IQGAP2: variants seen among roughly 807,000 people sequenced by gnomAD.
The protein encoded by IQGAP2 is IQ motif containing GTPase activating protein 2.
In IQGAP2, 173 loss-of-function variants were observed where a neutral mutation model predicts 201.3. That is an observed-to-expected ratio of 0.86 (90% CI 0.76 to 0.98). IQGAP2 has a LOEUF of 0.98. Ranked by LOEUF, IQGAP2 falls within the 50% of genes least tolerant of loss-of-function variation. The probability of loss-of-function intolerance (pLI) is 0.00; values close to 1 mark genes in which losing one functional copy is unlikely to be tolerated. For missense variants in IQGAP2, 1,687 were observed against 1,864.8 expected (o/e 0.90, Z 1.76); for synonymous variants, 675 against 673.9 (o/e 1.00, Z -0.03).
chr5:76,446,099 CTT>C (rs1199848094), intron 1 of IQGAP2, among the ~76,000 whole-genome samples: 8 of 152,252 alleles, frequency 5.3e-5, no homozygotes, highest in Admixed American at 1.3e-4. Context: ...TTCGTGGACT[CTT>C]GAGTTGCTTC....
chr5:76,566,738 C>T (rs889059981), intron 3 of IQGAP2, among the ~76,000 whole-genome samples: 2 of 152,032 alleles, frequency 1.3e-5, no homozygotes, highest in Admixed American at 1.3e-4. Flanking sequence ...AAGTGAACTG[C>T]TTCAAGAGGG....
chr5:76,658,809 T>A, intron 21 of IQGAP2, 142 bp downstream of exon 21: 2 of 756,692 alleles, frequency 2.6e-6, no homozygotes, highest in Non-Finnish European at 4.5e-6. Flanking sequence ...ATAGAGCACT[T>A]ACCTAAACAT....
chr5:76,698,137 T>A lies in IQGAP2; in HGVS notation c.4357T>A (p.Leu1453Ile), dbSNP rs1746927320. 2 of 1,582,612 alleles carry A rather than the reference T, an allele frequency of 1.3e-6. No individual in the cohort carries two copies. The highest frequency in any genetic ancestry group is 2.7e-5 in the African/African-American group (2 of 73,756). ...DTYIKTCLDN[L>I]KRKNTRRSIK... The stretch of plus-strand genomic sequence containing the variant: ...CTACATAAAGACTTGTTTAGACAAC[T>A]TAAAAAGAAAGTAAGTTAAAATCAT... Residue 1453 changes from leucine to isoleucine, a missense_variant, in exon 33 of 36, where the codon TTA becomes ATA. Leu to Ile is a conservative substitution (Grantham distance 5). Transcript: ENST00000274364.
intron 13 of IQGAP2, among the ~76,000 whole-genome samples, chr5:76,626,270 C>CTTTTTTTT (rs34251090): frequency 0.062 from 5,185 of 83,760 alleles, 64 homozygotes; most frequent in Non-Finnish European, 0.07. Context: ...TTCTTCTTTT[C>CTTTTTTTT]TTTTTTTTTT....
Position 76,669,931 on chromosome 5 carries a change from T to C in IQGAP2, c.2843+1087T>C, listed in dbSNP as rs182248784. On this transcript the variant is annotated intron_variant, in intron 23 of 35. Transcript: ENST00000274364. ...TCTGCCTCCTGAGTTCAAGCAATTC[T>C]TCTGCCTCAGCCTCCTGAGTAGCTG... 5.1e-3 allele frequency among the ~76,000 whole-genome samples: 780 copies of C among 152,294 alleles called. 4 individuals carry two copies. The highest frequency in any genetic ancestry group is 8.2e-3 in the Non-Finnish European group (561 of 68,006).
At position 76,592,840 on chromosome 5, in the gene IQGAP2, T is replaced by C; in HGVS notation, c.822T>C (p.Asn274=). Residue 274 remains asparagine, a splice_region_variant and synonymous_variant, in exon 9 of 36, where the codon AAT becomes AAC. Transcript: ENST00000274364. ...TCAGTGAAGACTTTGTTTTGCAGAATAGCTGTATTTCAGAAGAAGAAAGAG... is the reference window on the plus strand; with the variant it reads ...TCAGTGAAGACTTTGTTTTGCAGAACAGCTGTATTTCAGAAGAAGAAAGAG... ...KKKEENARLK[N]SCISEEERDA... The C allele has an allele frequency of 6.3e-7, 1 of 1,598,114 alleles. No homozygotes were observed. Among genetic ancestry groups the C allele is most frequent in the African/African-American group, 1.3e-5 (1 of 74,726 alleles).
intron 2 of IQGAP2, among the ~76,000 whole-genome samples, chr5:76,543,878 C>A (rs1580418869): frequency 6.6e-6 from 1 of 152,112 alleles, no homozygotes; most frequent in African/African-American, 2.4e-5. Flanking sequence ...TTAGGGTGTG[C>A]CGCAGAAAGA....
At chr5:76,666,779 T>C (rs1261660220) in intron 22 of IQGAP2, among the ~76,000 whole-genome samples, 1 of 152,172 alleles carries the variant, frequency 6.6e-6, no homozygotes, top group African/African-American at 2.4e-5. Context: ...GATGTCACTC[T>C]CCCACCCAGG....
chr5:76,671,143 C>G (rs1411157871), intron 23 of IQGAP2, among the ~76,000 whole-genome samples: 7 of 151,932 alleles, frequency 4.6e-5, no homozygotes, highest in Admixed American at 4.6e-4. Context: ...TGCCTGTAAT[C>G]CGAGCTACTC....
intron 2 of IQGAP2, among the ~76,000 whole-genome samples, chr5:76,496,793 CTCTTTCTTTCTTTCTCTT>C (rs1561416852): frequency 2.0e-4 from 13 of 66,252 alleles, no homozygotes; most frequent in African/African-American, 7.5e-4. Flanking sequence ...TTCTTTCTTT[CTCTTTCTTTCTTTCTCTT>C]TCTTTCTTTC....
intron 23 of IQGAP2, among the ~76,000 whole-genome samples, chr5:76,671,220 T>C (rs1280091058): frequency 1.3e-5 from 2 of 151,814 alleles, no homozygotes; most frequent in Non-Finnish European, 2.9e-5. Context: ...AAGATGGCGC[T>C]ACTACTCTCC....
intron 1 of IQGAP2, among the ~76,000 whole-genome samples, chr5:76,421,319 G>A (rs1341899164): frequency 1.3e-5 from 2 of 151,968 alleles, no homozygotes; most frequent in African/African-American, 4.8e-5. Flanking sequence ...TGGGTATAAA[G>A]TCTAGCTGTG....
At chr5:76,617,559 C>G (rs762756940) in intron 13 of IQGAP2, 1 of 1,571,352 alleles carries the variant, frequency 6.4e-7, no homozygotes, top group Non-Finnish European at 8.7e-7. Flanking sequence ...TGATGGCTGT[C>G]CTTGTTCTCT....
rs1243020049 is a variant in IQGAP2, at chr5:76,423,219, A to G, written c.46+19628A>G. Among the ~76,000 whole-genome samples the G allele has an allele frequency of 2.0e-5, 3 of 152,224 alleles. No individual in the cohort carries two copies. In the East Asian group the frequency reaches 5.8e-4, roughly 29 times the overall value. On this transcript the variant is annotated intron_variant, in intron 1 of 35. Coordinates refer to ENST00000274364, the MANE Select transcript of IQGAP2 (RefSeq NM_006633.5). ...TTAGACATTCTAAATTTTTTGGCAC[A>G]GTGACTGTCTAATCATGAACAGCGA...
intron 2 of IQGAP2, among the ~76,000 whole-genome samples, chr5:76,506,540 G>A (rs975050635): frequency 6.6e-6 from 1 of 152,156 alleles, no homozygotes; most frequent in African/African-American, 2.4e-5. Context: ...GACAGTAACA[G>A]TGATCTCCAG....
intron 12 of IQGAP2, among the ~76,000 whole-genome samples, chr5:76,608,541 T>C (rs1178892299): frequency 6.6e-6 from 1 of 152,150 alleles, no homozygotes; most frequent in Admixed American, 6.5e-5. Flanking sequence ...GAATTTTTCA[T>C]GGACGTTTTG....
At chr5:76,411,191 G>A (rs1376716218) in intron 1 of IQGAP2, among the ~76,000 whole-genome samples, 1 of 152,086 alleles carries the variant, frequency 6.6e-6, no homozygotes, top group Non-Finnish European at 1.5e-5. Context: ...AGGTAAAGAG[G>A]CATTTCTGAT....
rs778648669 is a variant in IQGAP2, at chr5:76,589,709, G to A, written c.621G>A (p.Leu207=). 2 of 1,598,776 alleles carry A rather than the reference G, an allele frequency of 1.3e-6. No homozygotes were observed. Among genetic ancestry groups the A allele is most frequent in the African/African-American group, 1.3e-5 (1 of 74,502 alleles). The change falls in exon 7 of 36, where the codon CTG becomes CTA. Residue 207 remains leucine, a synonymous_variant. Transcript: ENST00000274364. ...TAGGTGGTATTCTGGCCAATGAACT[G>A]TCCGTGGATGAAGCTGCATGTAAGT... is the stretch of plus-strand genomic sequence containing the variant. The part of the protein sequence containing the change: ...SKIGGILANE[L]SVDEAALHAA...
chr5:76,674,503 G>A lies in IQGAP2; in HGVS notation c.3321G>A (p.Arg1107=), dbSNP rs112301923. 7 of 1,613,700 alleles carry A rather than the reference G, an allele frequency of 4.3e-6. No individual in the cohort carries two copies. The highest frequency in any genetic ancestry group is 1.3e-5 in the African/African-American group (1 of 74,980). ...LKIVGNLLYY[R]YMNPAIVAPD... ...TTGTTGGAAACCTCCTGTACTATCG[G>A]TACATGAATCCAGCCATTGTAGCTC... Residue 1107 remains arginine, a synonymous_variant, in exon 27 of 36, where the codon CGG becomes CGA. Coordinates refer to ENST00000274364, the MANE Select transcript of IQGAP2 (RefSeq NM_006633.5).
Sources: gnomAD v4.1 joint callset for allele counts (sites outside exome capture counted in the v4.1 genomes callset) on GRCh38, gnomAD v4.1.1 for gene constraint, MANE v1.5 for transcripts, NCBI Gene and HGNC (gene_info 2026-07-23, HGNC 2026-07-21) for gene names.